Variants in WDR91 observed in about 807,000 individuals in gnomAD.
WDR91 encodes WD repeat-containing protein 91.
WDR91 carries 52 observed loss-of-function variants against 88.4 expected under a neutral mutation model. The ratio of observed to expected loss-of-function variants is 0.59; its 90% CI spans 0.47 to 0.74. The LOEUF is 0.74. Among genes scored for constraint, WDR91 ranks in the 30% least tolerant of loss-of-function variants. The pLI, the probability that WDR91 is intolerant of heterozygous loss-of-function variation, is 0.00. For synonymous variants in WDR91, 362 were observed against 389.5 expected, an observed-to-expected ratio of 0.93 and a Z score of 0.83; for missense variants, 824 against 954.5, an observed-to-expected ratio of 0.86 and a Z score of 1.80.
In WDR91 at chr7:135,186,005, A is replaced by G. The variant is rs1331148712; in HGVS notation, c.*146T>C. The stretch of plus-strand genomic sequence containing the variant: ...TCCCATTCCAGTCACCACAGATGGA[A>G]GCACCTGAGCCTCCTTGCCAGTCTT... On this transcript the variant is annotated 3_prime_UTR_variant, in exon 15 of 15. Coordinates refer to ENST00000354475, the MANE Select transcript of WDR91 (RefSeq NM_014149.4). 4.4e-6 allele frequency: 4 copies of G among 916,444 alleles called. No homozygotes were observed. In the African/African-American group the frequency reaches 5.2e-5, roughly 12 times the overall value. 56.8% of individuals were successfully genotyped at this position (916,444 alleles called of 1,614,324 possible). A position where few individuals can be genotyped will look rare whatever the true frequency, so the allele number is the denominator to read the frequency against.
chr7:135,187,004 T>A lies in WDR91; in HGVS notation c.2047A>T (p.Thr683Ser), dbSNP rs928742965. ...AFDSEGNYML[T>S]CSATGGVIYK... ...ATGACGCCGCCTGTGGCAGAACATGTCAGCATGTAATTTCCCTCCGAGTCA... is the reference window on the plus strand; with the variant it reads ...ATGACGCCGCCTGTGGCAGAACATGACAGCATGTAATTTCCCTCCGAGTCA... Residue 683 changes from threonine to serine, a missense_variant, in exon 14 of 15, where the codon ACA becomes TCA. Coordinates refer to ENST00000354475, the MANE Select transcript of WDR91 (RefSeq NM_014149.4). 6.2e-7 allele frequency: 1 copy of A among 1,614,140 alleles called. No individual in the cohort carries two copies. Among genetic ancestry groups the A allele is most frequent in the Non-Finnish European group, 8.5e-7 (1 of 1,180,042 alleles).
chr7:135,204,556 G>A (rs1408777676), intron 5 of WDR91, 123 bp from the exon 6 acceptor site: 2 of 1,024,490 alleles, frequency 2.0e-6, no homozygotes, highest in East Asian at 2.6e-5. Context: ...CCAAGAGCCT[G>A]GGCTTTAAGG....
chr7:135,207,624 A>T (rs1177190352), intron 3 of WDR91, among the ~76,000 whole-genome samples: 1 of 152,230 alleles, frequency 6.6e-6, no homozygotes, highest in East Asian at 1.9e-4. Flanking sequence ...GGCAGAAAAG[A>T]CCAGTCAGTT....
intron 14 of WDR91, 89 bp downstream of exon 14, chr7:135,186,883 G>T: frequency 6.7e-7 from 1 of 1,486,826 alleles, no homozygotes; most frequent in Non-Finnish European, 9.3e-7. Flanking sequence ...GGGGTAGAGG[G>T]CCTCGCTCAG....
At chr7:135,187,272 A>T (rs1005984427) in intron 13 of WDR91, 103 bp from the exon 14 acceptor site, 1 of 1,188,312 alleles carries the variant, frequency 8.4e-7, no homozygotes, top group Admixed American at 2.3e-5. Flanking sequence ...GGCGAGGGCG[A>T]CCCGCCTCCC....
chr7:135,195,651 A>C (rs1188482398), intron 8 of WDR91, among the ~76,000 whole-genome samples: 1 of 152,240 alleles, frequency 6.6e-6, no homozygotes, highest in Non-Finnish European at 1.5e-5. Flanking sequence ...AAACACAATT[A>C]GAAAGGGCAG....
At chr7:135,204,528 A>C in intron 5 of WDR91, 95 bp from the exon 6 acceptor site, 4 of 1,402,718 alleles carry the variant, frequency 2.9e-6, no homozygotes, top group Non-Finnish European at 3.9e-6. Context: ...ACGTTAAGTG[A>C]CCAGGCCTGG....
In WDR91 at chr7:135,209,667, C is replaced by T. The variant is rs1034953089; in HGVS notation, c.212G>A (p.Arg71Gln). 3.7e-6 allele frequency: 6 copies of T among 1,613,444 alleles called. No individual in the cohort carries two copies. The highest frequency in any genetic ancestry group is 1.1e-5 in the South Asian group (1 of 90,954). ...LRDYWSYLER[R>Q]LFSRLEDIYR... Reference sequence around the variant, plus strand: ...TATATCCTCCAAGCGGCTGAAGAGCCGACGCTCCAAGTAGCTCCAATAATC... The same window carrying T: ...TATATCCTCCAAGCGGCTGAAGAGCTGACGCTCCAAGTAGCTCCAATAATC... The change falls in exon 2 of 15, where the codon CGG (arginine) becomes CAG (glutamine). Residue 71 changes from arginine to glutamine, a missense_variant. Physicochemically the swap from Arg to Gln is conservative, Grantham distance 43. Coordinates refer to ENST00000354475, the MANE Select transcript of WDR91 (RefSeq NM_014149.4).
chr7:135,202,728 A>G (rs140892163), intron 6 of WDR91, among the ~76,000 whole-genome samples: 23 of 152,308 alleles, frequency 1.5e-4, no homozygotes, highest in Middle Eastern at 3.4e-3. Flanking sequence ...CACCTATTAA[A>G]CTTATAAAAT....
At chr7:135,186,460 C>T in intron 14 of WDR91, 145 bp from the exon 15 acceptor site, 1 of 898,988 alleles carries the variant, frequency 1.1e-6, no homozygotes, top group Non-Finnish European at 1.6e-6. Flanking sequence ...CTTTTTGAAC[C>T]AGGAAATGCT....
intron 11 of WDR91, among the ~76,000 whole-genome samples, chr7:135,191,398 A>G (rs292570): frequency 0.68 from 103,282 of 151,796 alleles, 35,839 homozygotes; most frequent in Admixed American, 0.79. Flanking sequence ...ACCTGAGGTC[A>G]GGAGTTCGAG....
Position 135,207,192 on chromosome 7 carries a change from C to A in WDR91, c.522G>T (p.Val174=). ...SVLFQCMPVP[V]ILNFDAECQR... is the part of the protein sequence containing the mutation. ...GACACTCCGCATCAAAGTTCAGGATCACAGGGACTGGTGCACGAAGTTAAA... is the reference window on the plus strand; with the variant it reads ...GACACTCCGCATCAAAGTTCAGGATAACAGGGACTGGTGCACGAAGTTAAA... The change falls in exon 4 of 15, where the codon GTG becomes GTT. Residue 174 remains valine (V), a synonymous_variant. Coordinates refer to ENST00000354475, the MANE Select transcript of WDR91 (RefSeq NM_014149.4). The A allele has an allele frequency of 6.2e-7, 1 of 1,605,664 alleles. No individual in the cohort carries two copies. The highest frequency in any genetic ancestry group is 1.1e-5 in the South Asian group (1 of 90,940).
intron 1 of WDR91, among the ~76,000 whole-genome samples, chr7:135,210,219 A>G (rs975776589): frequency 3.3e-5 from 5 of 152,168 alleles, no homozygotes; most frequent in African/African-American, 1.2e-4. Flanking sequence ...ACGTGGTGGC[A>G]CGCGCCTGTA....
intron 2 of WDR91, 76 bp from the exon 3 acceptor site, chr7:135,209,074 G>T: frequency 7.7e-7 from 1 of 1,302,336 alleles, no homozygotes; most frequent in East Asian, 2.4e-5. Flanking sequence ...TCATTGCACA[G>T]CAGACAACCT....
Position 135,184,103 on chromosome 7 carries a change from T to G in WDR91, c.*2048A>C, listed in dbSNP as rs920939217. 2.6e-5 allele frequency: 4 copies of G among 152,196 alleles called. No homozygotes were observed. Among genetic ancestry groups the G allele is most frequent in the African/African-American group, 7.2e-5 (3 of 41,456 alleles). The allele number at this position is 152,196 out of a possible 1,614,324, so 9.4% of individuals were successfully genotyped here. On this transcript the variant is annotated 3_prime_UTR_variant, in exon 15 of 15. Coordinates refer to ENST00000354475, the MANE Select transcript of WDR91 (RefSeq NM_014149.4). ...GGGTGAGATAAGTAAGATCACTGTT[T>G]CAATACAGATGGGGAAAGATAATAA...
chr7:135,198,246 G>T (rs1328063666), intron 6 of WDR91, 95 bp from the exon 7 acceptor site: 9 of 1,423,966 alleles, frequency 6.3e-6, no homozygotes, highest in Middle Eastern at 2.6e-4. Flanking sequence ...GGGGGGCGTG[G>T]TGGGTTGGGG....
chr7:135,211,526 T>TGGTGCGGTGAGGGAC (rs141676562), upstream of WDR91: 6,402 of 1,607,920 alleles, frequency 4.0e-3, 235 homozygotes, highest in African/African-American at 0.073. Context: ...TCTTTAGGGG[T>TGGTGCGGTGAGGGAC]GGTGCGGTGA....
intron 12 of WDR91, 47 bp downstream of exon 12, chr7:135,189,297 T>C: frequency 6.4e-7 from 1 of 1,561,282 alleles, no homozygotes; most frequent in Non-Finnish European, 8.7e-7. Flanking sequence ...AAAAATTGCC[T>C]GGGAAATCTA....
At chr7:135,209,066 A>G (rs1831919153) in intron 2 of WDR91, 68 bp from the exon 3 acceptor site, 3 of 1,388,936 alleles carry the variant, frequency 2.2e-6, no homozygotes, top group Middle Eastern at 3.8e-4. Flanking sequence ...ACTCTTCATC[A>G]TTGCACAGCA....
Sources: allele counts gnomAD v4.1 joint callset (sites outside exome capture counted in the v4.1 genomes callset), GRCh38; gene constraint gnomAD v4.1.1; transcripts MANE v1.5; gene names NCBI Gene and HGNC (gene_info 2026-07-23, HGNC 2026-07-21).